The following PHEX variants were observed in gnomAD, a reference collection of about 807,000 sequenced individuals.
PHEX encodes the protein phosphate-regulating neutral endopeptidase PHEX.
A neutral mutation model predicts 68.0 loss-of-function variants in PHEX; 16 were observed. That is an observed-to-expected ratio of 0.24 (90% CI 0.16 to 0.36). The LOEUF (loss-of-function observed/expected upper bound fraction) is 0.36. Among genes scored for constraint, PHEX ranks in the 10% least tolerant of loss-of-function variants. The probability of loss-of-function intolerance (pLI) is 1.00; values close to 1 mark genes in which losing one functional copy is unlikely to be tolerated. For missense variants in PHEX, 480 were observed against 575.5 expected, an observed-to-expected ratio of 0.83 and a Z score of 1.70; for synonymous variants, 208 against 205.1, an observed-to-expected ratio of 1.01 and a Z score of -0.12.
At chrX:22,178,224 A>G (rs1476407608) in intron 13 of PHEX, 49 bp from the exon 14 acceptor site, 17 of 846,889 alleles carry the variant, frequency 2.0e-5, no homozygotes, top group Admixed American at 6.8e-5. Context: ...TTTTAGAGCC[A>G]TCTTTTATCT....
chrX:22,214,894 A>G (rs1304578533), intron 16 of PHEX, among the ~76,000 whole-genome samples: 4 of 111,878 alleles, frequency 3.6e-5, no homozygotes, highest in Non-Finnish European at 7.5e-5. Flanking sequence ...TCAGCTCCAT[A>G]GTTTTCTTTG....
chrX:22,080,266 G>A (rs1929331394), intron 5 of PHEX, among the ~76,000 whole-genome samples: 2 of 112,173 alleles, frequency 1.8e-5, no homozygotes, highest in African/African-American at 3.2e-5. Flanking sequence ...AGGCACCCAT[G>A]TACTTATTAT....
chrX:22,059,342 T>A (rs751552231), intron 3 of PHEX, among the ~76,000 whole-genome samples: 262 of 112,584 alleles, frequency 2.3e-3, no homozygotes, highest in African/African-American at 7.8e-3. Flanking sequence ...CAATCATGAT[T>A]ATTTTTCTAC....
intron 5 of PHEX, among the ~76,000 whole-genome samples, chrX:22,087,406 T>C (rs1164952289): frequency 9.0e-6 from 1 of 111,199 alleles, no homozygotes; most frequent in African/African-American, 3.3e-5. Flanking sequence ...TGAGAGAGGG[T>C]TGAACAAAAT....
At chrX:22,207,438 T>G (rs968615498) in intron 15 of PHEX, among the ~76,000 whole-genome samples, 1 of 110,448 alleles carries the variant, frequency 9.1e-6, no homozygotes, top group East Asian at 2.8e-4. Flanking sequence ...CACACACTTC[T>G]TTTTTTTTGA....
At position 22,114,476 on chromosome X, in the gene PHEX, A is replaced by T; in HGVS notation, c.1192A>T (p.Thr398Ser). 8.3e-7 allele frequency: 1 copy of T among 1,202,768 alleles called. No homozygotes were observed. Among genetic ancestry groups the T allele is most frequent in the Non-Finnish European group, 1.1e-6 (1 of 887,428 alleles). Residue 398 changes from threonine (T) to serine (S), a missense_variant, in exon 11 of 22, where the codon ACT becomes TCT. Thr to Ser is a moderately conservative substitution (Grantham distance 58, BLOSUM62 1). Coordinates refer to ENST00000379374, the MANE Select transcript of PHEX (RefSeq NM_000444.6). ...CCCACAGGTAATCCAGGGGACCACA[A>T]CTTTGCTGCCTCAATGGGACAAATG... ...EFSRVIQGTT[T>S]LLPQWDKCVN...
chrX:22,131,832 G>A (rs1279137429), intron 11 of PHEX, among the ~76,000 whole-genome samples: 1 of 110,771 alleles, frequency 9.0e-6, no homozygotes, highest in Non-Finnish European at 1.9e-5. Context: ...CATTGAGAAA[G>A]CCAAAGCATC....
Position 22,232,596 on chromosome X carries a change from CTTTTTTTTTTTTTTTT to C in PHEX, c.2070+5000_2070+5015del, listed in dbSNP as rs745474280. On this transcript the variant is annotated intron_variant, in intron 20 of 21. Transcript: ENST00000379374. The stretch of plus-strand genomic sequence containing the variant: ...TCAGAGATTAGGATTGCCACTTCTG[CTTTTTTTTTTTTTTTT>C]TTTTTTTTTTTTTTGCTTTCCATTT... 3.4e-3 allele frequency among the ~76,000 whole-genome samples: 64 copies of C among 18,555 alleles called. 2 individuals are homozygous for C. The highest frequency in any genetic ancestry group is 0.032 in the Middle Eastern group (1 of 31). The allele number at this position is 18,555 out of a possible 115,157, so 16.1% of individuals were successfully genotyped here.
chrX:22,075,158 C>A (rs1227854029), intron 3 of PHEX, among the ~76,000 whole-genome samples: 1 of 109,542 alleles, frequency 9.1e-6, no homozygotes, highest in East Asian at 2.8e-4. Context: ...ACCAAACAAG[C>A]TGAAATAATT....
chrX:22,135,741 G>A (rs1932200064), intron 12 of PHEX, among the ~76,000 whole-genome samples: 1 of 111,661 alleles, frequency 9.0e-6, no homozygotes, highest in Admixed American at 9.5e-5. Context: ...TTTGCCTCCC[G>A]AGTTGCTCTC....
At chrX:22,147,565 C>T (rs1469499990) in intron 12 of PHEX, among the ~76,000 whole-genome samples, 1 of 109,655 alleles carries the variant, frequency 9.1e-6, no homozygotes, top group East Asian at 2.9e-4. Flanking sequence ...ATTTTTGAGA[C>T]CCTAGCATAG....
chrX:22,158,028 A>G (rs1210943674), intron 12 of PHEX, among the ~76,000 whole-genome samples: 1 of 112,004 alleles, frequency 8.9e-6, no homozygotes, highest in Non-Finnish European at 1.9e-5. Flanking sequence ...ATAAAATTTG[A>G]TTCATCAGAT....
intron 5 of PHEX, among the ~76,000 whole-genome samples, chrX:22,078,223 C>T (rs796620501): frequency 8.9e-6 from 1 of 112,110 alleles, no homozygotes; most frequent in East Asian, 2.8e-4. Flanking sequence ...TGCTTGGTTG[C>T]GTTTTCTGTT....
intron 20 of PHEX, among the ~76,000 whole-genome samples, chrX:22,230,887 C>T (rs1186896016): frequency 9.0e-6 from 1 of 111,640 alleles, no homozygotes; most frequent in East Asian, 2.8e-4. Context: ...CAGTTTTTGC[C>T]CATTCAGTAT....
At chrX:22,230,205 AG>A (rs1935665224) in intron 20 of PHEX, among the ~76,000 whole-genome samples, 1 of 56,825 alleles carries the variant, frequency 1.8e-5, no homozygotes, top group Non-Finnish European at 3.3e-5. Context: ...CTTTTTGCTT[AG>A]GATTGTTTTG....
At chrX:22,034,525 C>T (rs542538813) in intron 1 of PHEX, among the ~76,000 whole-genome samples, 5 of 112,076 alleles carry the variant, frequency 4.5e-5, no homozygotes, top group African/African-American at 1.6e-4. Context: ...GTTTTTAGAG[C>T]AAAGTAAAAT....
chrX:22,245,700 C>G (rs1024630360), intron 21 of PHEX, among the ~76,000 whole-genome samples: 5 of 112,039 alleles, frequency 4.5e-5, no homozygotes, highest in African/African-American at 9.7e-5. Context: ...CTATACAAGA[C>G]TCCAGAGGTA....
chrX:22,041,302 T>TATATATATATA (rs1569367522), intron 2 of PHEX, among the ~76,000 whole-genome samples: 11 of 97,669 alleles, frequency 1.1e-4, no homozygotes, highest in African/African-American at 2.7e-4. Context: ...TATATATATA[T>TATATATATATA]TTTAACCAGG....
rs1418078872 is a variant in PHEX at position 22,099,164 on chromosome X, A to G, written c.1079+13A>G. On this transcript the variant is annotated intron_variant, in intron 9 of 21. Coordinates refer to ENST00000379374, the MANE Select transcript of PHEX (RefSeq NM_000444.6). Reference sequence around the variant, plus strand: ...CTGAGAGAAAGAAGTAAGAACTTTCACATGAATTTTACTGTGACTTTTGTG... The same window carrying G: ...CTGAGAGAAAGAAGTAAGAACTTTCGCATGAATTTTACTGTGACTTTTGTG... 8.4e-7 allele frequency: 1 copy of G among 1,192,907 alleles called. No individual in the cohort carries two copies. The highest frequency in any genetic ancestry group is 1.1e-6 in the Non-Finnish European group (1 of 878,303).
Sources: allele counts gnomAD v4.1 joint callset (sites outside exome capture counted in the v4.1 genomes callset), GRCh38; gene constraint gnomAD v4.1.1; transcripts MANE v1.5; gene names NCBI Gene and HGNC (gene_info 2026-07-23, HGNC 2026-07-21).